The following SKAP1 variants were observed in gnomAD, a reference collection of about 807,000 sequenced individuals.
SKAP1 encodes src kinase-associated phosphoprotein 1.
Under a neutral mutation model 58.5 loss-of-function variants are expected in SKAP1, and 44 were observed. The ratio of observed to expected loss-of-function variants is 0.75; its 90% confidence interval spans 0.59 to 0.97. The LOEUF (loss-of-function observed/expected upper bound fraction) is 0.97, where lower values mean the gene tolerates loss of function less well. Ranked by LOEUF, SKAP1 falls within the 50% of genes least tolerant of loss-of-function variation. The pLI, the probability that SKAP1 is intolerant of heterozygous loss-of-function variation, is 0.00. For missense variants in SKAP1, 390 were observed against 435.2 expected, an observed-to-expected ratio of 0.90 and a Z score of 0.92; for synonymous variants, 127 against 149.7, an observed-to-expected ratio of 0.85 and a Z score of 1.11.
chr17:48,369,828 A>G (rs2067060458), intron 2 of SKAP1, among the ~76,000 whole-genome samples: 1 of 152,220 alleles, frequency 6.6e-6, no homozygotes, highest in Non-Finnish European at 1.5e-5. Context: ...CAGTTTCAGA[A>G]CAGGACCTCT....
At chr17:48,365,899 A>G (rs923479170) in intron 2 of SKAP1, among the ~76,000 whole-genome samples, 1 of 151,770 alleles carries the variant, frequency 6.6e-6, no homozygotes, top group African/African-American at 2.4e-5. Flanking sequence ...CTGGTGGGCC[A>G]CTAAAGCCCC....
intron 4 of SKAP1, among the ~76,000 whole-genome samples, chr17:48,321,579 C>T (rs906847513): frequency 6.6e-6 from 1 of 151,972 alleles, no homozygotes; most frequent in East Asian, 1.9e-4. Context: ...GGGGTTTCAC[C>T]GTGTTAGCCA....
At chr17:48,227,737 A>C (rs947227630) in intron 4 of SKAP1, among the ~76,000 whole-genome samples, 1 of 152,194 alleles carries the variant, frequency 6.6e-6, no homozygotes, top group Non-Finnish European at 1.5e-5. Context: ...TGGCTAGTAG[A>C]GAGTGGTGGT....
chr17:48,162,693 G>A (rs2064085727), intron 10 of SKAP1, 124 bp from the exon 11 acceptor site: 2 of 640,012 alleles, frequency 3.1e-6, no homozygotes, highest in Non-Finnish European at 5.5e-6. Context: ...ATTAAGGGGA[G>A]TTGAGATGAG....
At chr17:48,171,502 C>T (rs778585177) in intron 9 of SKAP1, among the ~76,000 whole-genome samples, 103 of 152,154 alleles carry the variant, frequency 6.8e-4, no homozygotes, top group Non-Finnish European at 1.2e-3. Context: ...TTGAAGTGCT[C>T]ATTACATGCA....
upstream of SKAP1, among the ~76,000 whole-genome samples, chr17:48,434,547 C>A (rs2067931672): frequency 1.3e-5 from 2 of 152,266 alleles, no homozygotes; most frequent in South Asian, 2.1e-4. Context: ...TTAATACATA[C>A]AACAAAATAA....
At chr17:48,430,307 G>T, upstream of SKAP1, 1 of 305,916 alleles carries the variant, frequency 3.3e-6, no homozygotes, top group South Asian at 1.5e-4. Context: ...CGGCAGGCGG[G>T]GACCGGAACG....
chr17:48,247,555 G>T (rs1443235015), intron 4 of SKAP1, among the ~76,000 whole-genome samples: 1 of 152,048 alleles, frequency 6.6e-6, no homozygotes, highest in Non-Finnish European at 1.5e-5. Context: ...CCTCACAAAA[G>T]TTTTAGTTGC....
At chr17:48,400,568 G>A (rs2067486615) in intron 1 of SKAP1, among the ~76,000 whole-genome samples, 1 of 151,806 alleles carries the variant, frequency 6.6e-6, no homozygotes, top group Non-Finnish European at 1.5e-5. Flanking sequence ...TGGTCAACAT[G>A]ATGAAACCCC....
intron 11 of SKAP1, among the ~76,000 whole-genome samples, chr17:48,158,760 A>G (rs1490441106): frequency 2.0e-5 from 3 of 151,304 alleles, no homozygotes; most frequent in African/African-American, 7.3e-5. Context: ...GGAGATTGAG[A>G]CCATCCTGGC....
At chr17:48,443,783 T>A in the SKAP1 span, among the ~76,000 whole-genome samples, 1 of 152,006 alleles carries the variant, frequency 6.6e-6, no homozygotes, top group Admixed American at 6.6e-5. Flanking sequence ...GCCTGTTGGG[T>A]TTTTTAAAAA....
intron 1 of SKAP1, among the ~76,000 whole-genome samples, chr17:48,419,170 C>T (rs1030138302): frequency 2.0e-5 from 3 of 151,930 alleles, no homozygotes; most frequent in African/African-American, 7.3e-5. Context: ...AAAGTAATTG[C>T]AGATTTTGCC....
chr17:48,189,536 C>T (rs2064508384), intron 4 of SKAP1, 36 bp from the exon 5 acceptor site: 2 of 1,541,548 alleles, frequency 1.3e-6, no homozygotes, highest in Non-Finnish European at 1.8e-6. Flanking sequence ...TTATTGAAAC[C>T]TGGCAAAATT....
chr17:48,352,044 G>A (rs2066808972), intron 3 of SKAP1, among the ~76,000 whole-genome samples: 1 of 142,446 alleles, frequency 7.0e-6, no homozygotes, highest in Non-Finnish European at 1.5e-5. Context: ...CATCATCCTA[G>A]TTCTTAAAAA....
At chr17:48,156,091 T>C (rs1419777938) in intron 11 of SKAP1, among the ~76,000 whole-genome samples, 1 of 152,180 alleles carries the variant, frequency 6.6e-6, no homozygotes, top group African/African-American at 2.4e-5. Context: ...CCACTGTTGA[T>C]GTTTGGAATG....
intron 4 of SKAP1, among the ~76,000 whole-genome samples, chr17:48,210,504 G>A (rs1434366828): frequency 6.6e-6 from 1 of 152,090 alleles, no homozygotes; most frequent in Admixed American, 6.6e-5. Context: ...GCCCAGGGAG[G>A]CCCCCAGGTG....
At chr17:48,146,503 AAAC>A (rs1211542034) in intron 11 of SKAP1, among the ~76,000 whole-genome samples, 2 of 151,616 alleles carry the variant, frequency 1.3e-5, no homozygotes, top group Non-Finnish European at 2.9e-5. Flanking sequence ...AAAAAAAAAA[AAAC>A]AATGAAGGGG....
At chr17:48,155,730 G>C (rs1473800028) in intron 11 of SKAP1, among the ~76,000 whole-genome samples, 1 of 152,104 alleles carries the variant, frequency 6.6e-6, no homozygotes, top group East Asian at 1.9e-4. Context: ...CGTGGCACTT[G>C]CCTGTAGTCC....
At chr17:48,369,700 T>C (rs2067059119) in intron 2 of SKAP1, among the ~76,000 whole-genome samples, 1 of 152,118 alleles carries the variant, frequency 6.6e-6, no homozygotes, top group Non-Finnish European at 1.5e-5. Context: ...TTCCTCACAC[T>C]CTAACCCTAT....
Sources: gnomAD v4.1 joint callset for allele counts (sites outside exome capture counted in the v4.1 genomes callset) on GRCh38, gnomAD v4.1.1 for gene constraint, MANE v1.5 for transcripts, NCBI Gene and HGNC (gene_info 2026-07-23, HGNC 2026-07-21) for gene names.